CUX2: variants seen among roughly 807,000 people sequenced by gnomAD.
CUX2 encodes homeobox protein cut-like 2.
In CUX2, 40 loss-of-function variants were observed where a neutral mutation model predicts 144.8. That is an observed-to-expected ratio of 0.28 (90% CI 0.21 to 0.36). CUX2 has a LOEUF of 0.36. Ranked by LOEUF, CUX2 falls within the 10% of genes least tolerant of loss-of-function variation. The pLI, the probability that CUX2 is intolerant of heterozygous loss-of-function variation, is 1.00. For synonymous variants in CUX2, 827 were observed against 875.6 expected (o/e 0.94, Z 0.98); for missense variants, 1,615 against 1,994.0 (o/e 0.81, Z 3.62).
intron 3 of CUX2, among the ~76,000 whole-genome samples, chr12:111,227,574 T>C (rs928894976): frequency 1.3e-5 from 2 of 152,186 alleles, no homozygotes; most frequent in African/African-American, 4.8e-5. Flanking sequence ...CGCCTTCCCA[T>C]TGGGCTGCAG....
chr12:111,263,704 G>A lies in CUX2; in HGVS notation c.223-57G>A, dbSNP rs1884245675. The A allele has an allele frequency of 7.9e-7, 1 of 1,270,112 alleles. No homozygotes were observed. Among genetic ancestry groups the A allele is most frequent in the South Asian group, 1.3e-5 (1 of 79,870 alleles). The allele number at this position is 1,270,112 out of a possible 1,614,324, so 78.7% of individuals were successfully genotyped here. A position where few individuals can be genotyped will look rare whatever the true frequency, so the allele number is the denominator to read the frequency against. ...GTGGAAAAAAAAAATGATGAAATTT[G>A]CTTGCAGACACAGATGCCATGGTTA... On this transcript the variant is annotated intron_variant, in intron 3 of 21. Coordinates refer to ENST00000261726, the MANE Select transcript of CUX2 (RefSeq NM_015267.4). This position sits in a 1 kb window ranked among gnomAD's most constrained non-coding sequence, Gnocchi z 4.0.
chr12:111,069,328 T>C (rs1414664686), intron 1 of CUX2, among the ~76,000 whole-genome samples: 1 of 152,114 alleles, frequency 6.6e-6, no homozygotes, highest in Admixed American at 6.5e-5. Flanking sequence ...ATATTAAAGT[T>C]AGCACAGCTC....
chr12:111,268,515 C>T (rs1405575249), intron 4 of CUX2, among the ~76,000 whole-genome samples: 2 of 152,214 alleles, frequency 1.3e-5, no homozygotes, highest in African/African-American at 2.4e-5. Flanking sequence ...CACCCCATCC[C>T]GCGCTCACAG....
In CUX2 at chr12:111,253,239, G is replaced by A. The variant is rs947027446; in HGVS notation, c.223-10522G>A. On this transcript the variant is annotated intron_variant, in intron 3 of 21. Transcript: ENST00000261726. ...GCTCTCCTCTGCACAAAACCCTCCC[G>A]TGGCTCCTCAGACCCCTTGGAGAAA... Among the ~76,000 whole-genome samples, 6 of 152,078 alleles carry A rather than the reference G, an allele frequency of 3.9e-5. No individual in the cohort carries two copies. In the East Asian group the frequency reaches 5.8e-4, roughly 15 times the overall value.
At chr12:111,276,945 C>A (rs1884908496) in intron 4 of CUX2, among the ~76,000 whole-genome samples, 1 of 152,220 alleles carries the variant, frequency 6.6e-6, no homozygotes, top group Non-Finnish European at 1.5e-5. Context: ...CCGCACCCGG[C>A]CAGTTGTTTC....
chr12:111,049,500 G>A (rs1870163230), intron 1 of CUX2, among the ~76,000 whole-genome samples: 1 of 152,250 alleles, frequency 6.6e-6, no homozygotes, highest in Admixed American at 6.5e-5. Flanking sequence ...GACATAATTA[G>A]CACAGTAATC....
chr12:111,232,902 G>A (rs1451915793), intron 3 of CUX2, among the ~76,000 whole-genome samples: 2 of 152,144 alleles, frequency 1.3e-5, no homozygotes, highest in South Asian at 2.1e-4. Context: ...TGACCCTTTC[G>A]CGGGAAGACA....
At chr12:111,193,305 C>T (rs191268836) in intron 1 of CUX2, among the ~76,000 whole-genome samples, 172 of 152,308 alleles carry the variant, frequency 1.1e-3, no homozygotes, top group Middle Eastern at 3.4e-3. Context: ...CCGGCACAGC[C>T]GGCGGCTGAC....
chr12:111,093,053 A>G (rs761069548), intron 1 of CUX2, among the ~76,000 whole-genome samples: 3 of 152,090 alleles, frequency 2.0e-5, no homozygotes, highest in Non-Finnish European at 4.4e-5. Flanking sequence ...TGGGCTCAAG[A>G]GATCCACCTG....
At chr12:111,045,486 G>T (rs1869953389) in intron 1 of CUX2, among the ~76,000 whole-genome samples, 2 of 152,216 alleles carry the variant, frequency 1.3e-5, no homozygotes, top group African/African-American at 2.4e-5. Context: ...TTTTCTTCAA[G>T]GATCGTGAGA....
chr12:111,156,985 C>CAAAAAAAAAAAAAAAAAAAAAAAA, intron 1 of CUX2, among the ~76,000 whole-genome samples: 1 of 18,992 alleles, frequency 5.3e-5, no homozygotes. Context: ...AAACTTCTCT[C>CAAAAAAAAAAAAAAAAAAAAAAAA]AAAAAAAAAA....
rs1463236895 is a variant in CUX2 at position 111,039,385 on chromosome 12, A to G, written c.63+5145A>G. Reference sequence around the variant, plus strand: ...AGGGGGGAAGGACCCCAAGAACTGTATTCTGTGTGGCCTTTAGTGCTCCTG... The same window carrying G: ...AGGGGGGAAGGACCCCAAGAACTGTGTTCTGTGTGGCCTTTAGTGCTCCTG... On this transcript the variant is annotated intron_variant, in intron 1 of 21. Coordinates refer to ENST00000261726, the MANE Select transcript of CUX2 (RefSeq NM_015267.4). This position sits in a 1 kb window ranked among gnomAD's most constrained non-coding sequence, Gnocchi z 4.2. Among the ~76,000 whole-genome samples, 1 of 152,048 alleles carries G rather than the reference A, an allele frequency of 6.6e-6. No individual in the cohort carries two copies. The highest frequency in any genetic ancestry group is 2.1e-4 in the South Asian group (1 of 4,828).
At chr12:111,247,449 C>T (rs929586093) in intron 3 of CUX2, among the ~76,000 whole-genome samples, 1 of 152,248 alleles carries the variant, frequency 6.6e-6, no homozygotes, top group Non-Finnish European at 1.5e-5. Context: ...GCTGGTATTT[C>T]GGAGAACTTG....
intron 1 of CUX2, among the ~76,000 whole-genome samples, chr12:111,108,019 T>A (rs1873715200): frequency 6.6e-6 from 1 of 152,250 alleles, no homozygotes; most frequent in Non-Finnish European, 1.5e-5. Flanking sequence ...TTCTGGATCA[T>A]GTGACGCATG....
At chr12:111,062,892 T>C (rs1446135685) in intron 1 of CUX2, among the ~76,000 whole-genome samples, 1 of 151,762 alleles carries the variant, frequency 6.6e-6, no homozygotes, top group African/African-American at 2.4e-5. Context: ...AAGTGAAAGG[T>C]GGGCAGTGTG....
chr12:111,086,309 C>T (rs1872213348), intron 1 of CUX2, among the ~76,000 whole-genome samples: 2 of 152,178 alleles, frequency 1.3e-5, no homozygotes, highest in Admixed American at 1.3e-4. Flanking sequence ...ACTTAGTTCA[C>T]AGGCAACTGG....
chr12:111,218,025 A>C, intron 3 of CUX2, 88 bp downstream of exon 3: 1 of 1,383,082 alleles, frequency 7.2e-7, no homozygotes, highest in Non-Finnish European at 1.0e-6. Flanking sequence ...GGGGGCCAGC[A>C]GCCTCCAGAA....
At chr12:111,328,463 C>T (rs1474818299) in intron 18 of CUX2, among the ~76,000 whole-genome samples, 1 of 152,184 alleles carries the variant, frequency 6.6e-6, no homozygotes, top group Admixed American at 6.5e-5. Context: ...CAGACCCTTC[C>T]ATCCGAGGTT....
In CUX2 at chr12:111,277,315, C is replaced by T. The variant is rs530099895; in HGVS notation, c.301+13476C>T. ...ATCCCCATCTGTGAAATGGGTTGGT[C>T]GTTATGAAGATGGAGCAAAGTTGTA... On this transcript the variant is annotated intron_variant, in intron 4 of 21. Coordinates refer to ENST00000261726, the MANE Select transcript of CUX2 (RefSeq NM_015267.4). This position sits in a 1 kb window ranked among gnomAD's most constrained non-coding sequence, Gnocchi z 5.0. Among the ~76,000 whole-genome samples the T allele has an allele frequency of 6.6e-6, 1 of 152,248 alleles. No individual in the cohort carries two copies. The highest frequency in any genetic ancestry group is 1.9e-4 in the East Asian group (1 of 5,178).
Sources: allele counts gnomAD v4.1 joint callset (sites outside exome capture counted in the v4.1 genomes callset), GRCh38; gene constraint gnomAD v4.1.1; non-coding constraint Gnocchi (gnomAD v3.1); transcripts MANE v1.5; gene names NCBI Gene and HGNC (gene_info 2026-07-23, HGNC 2026-07-21).